The following RXRA variants were observed in gnomAD, a reference collection of about 807,000 sequenced individuals.
RXRA encodes retinoid X receptor alpha.
A neutral mutation model predicts 44.5 loss-of-function variants in RXRA; 5 were observed. The ratio of observed to expected loss-of-function variants is 0.11; its 90% CI spans 0.06 to 0.24. The LOEUF (loss-of-function observed/expected upper bound fraction) is 0.24. Among genes scored for constraint, RXRA ranks in the 10% least tolerant of loss-of-function variants. The pLI, the probability that RXRA is intolerant of heterozygous loss-of-function variation, is 1.00. For missense variants in RXRA, 412 were observed against 646.5 expected (o/e 0.64, Z 3.93); for synonymous variants, 291 against 271.4 (o/e 1.07, Z -0.71).
In RXRA at chr9:134,425,804, C is replaced by T. The variant is rs115444327; in HGVS notation, c.911-3304C>T. On this transcript the variant is annotated intron_variant, in intron 6 of 9. Transcript: ENST00000481739. ...ATCACAAGCCCCATGGGGACAGCAG[C>T]CGTGACTCTGGGGGGGCCCTGCCCT... 1,511 of 985,400 alleles carry T rather than the reference C, an allele frequency of 1.5e-3. 17 individuals are homozygous for T. The African/African-American group carries it at 0.025, about 16-fold the overall frequency. 61.0% of individuals were successfully genotyped at this position (985,400 alleles called of 1,614,324 possible). A position where few individuals can be genotyped will look rare whatever the true frequency, so the allele number is the denominator to read the frequency against.
intron 7 of RXRA, 91 bp from the exon 8 acceptor site, chr9:134,431,814 G>C: frequency 9.9e-7 from 1 of 1,005,490 alleles, no homozygotes; most frequent in Non-Finnish European, 1.5e-6. Context: ...GGGCCACGCC[G>C]GGCTCTCCAG....
rs569871882 is a variant in RXRA at position 134,417,806 on chromosome 9, C to T, written c.780+479C>T. ...TGGCCCTGGGCAGGTGCCCGGCAGT[C>T]GCGGTGGCTGCTGTTGATACAGGAA... On this transcript the variant is annotated intron_variant, in intron 5 of 9. Transcript: ENST00000481739. This position sits in a 1 kb window ranked among gnomAD's most constrained non-coding sequence, Gnocchi z 6.1. 3.8e-4 allele frequency among the ~76,000 whole-genome samples: 58 copies of T among 152,204 alleles called. No homozygotes were observed. The South Asian group carries it at 0.011, about 30-fold the overall frequency.
At chr9:134,354,221 C>T (rs571175506) in intron 1 of RXRA, among the ~76,000 whole-genome samples, 1 of 152,332 alleles carries the variant, frequency 6.6e-6, no homozygotes, top group African/African-American at 2.4e-5. Flanking sequence ...TGGGGCACTT[C>T]TGCGTGCCGA....
At chr9:134,383,836 T>C (rs1830680906) in intron 1 of RXRA, among the ~76,000 whole-genome samples, 1 of 152,062 alleles carries the variant, frequency 6.6e-6, no homozygotes, top group Non-Finnish European at 1.5e-5. Context: ...CCAGGTGTGG[T>C]TCCAGGCCCT....
chr9:134,352,386 A>G (rs1408120288), intron 1 of RXRA, among the ~76,000 whole-genome samples: 1 of 152,016 alleles, frequency 6.6e-6, no homozygotes, highest in African/African-American at 2.4e-5. Flanking sequence ...GGCATGAGGA[A>G]GCCGGAGGGG....
At chr9:134,353,255 C>G (rs752720955) in intron 1 of RXRA, among the ~76,000 whole-genome samples, 2 of 152,048 alleles carry the variant, frequency 1.3e-5, no homozygotes, top group African/African-American at 4.8e-5. Flanking sequence ...TTGTTTTCTT[C>G]GGTGGATTTC....
chr9:134,331,009 T>C (rs1048385311), intron 1 of RXRA, among the ~76,000 whole-genome samples: 44 of 152,108 alleles, frequency 2.9e-4, no homozygotes, highest in African/African-American at 9.9e-4. Flanking sequence ...GAACAGGCCA[T>C]GATGGTCGCT....
At chr9:134,421,404 C>T (rs1046857340) in intron 5 of RXRA, among the ~76,000 whole-genome samples, 2 of 151,870 alleles carry the variant, frequency 1.3e-5, no homozygotes, top group African/African-American at 2.4e-5. Flanking sequence ...TCCTGCCTCC[C>T]TCTCATAGAC....
chr9:134,390,895 C>T (rs1422475988), intron 1 of RXRA, among the ~76,000 whole-genome samples: 1 of 152,166 alleles, frequency 6.6e-6, no homozygotes, highest in African/African-American at 2.4e-5. Flanking sequence ...CTAGGGTGGG[C>T]CTGGGCTTAT....
At chr9:134,412,986 C>T (rs538908570) in intron 4 of RXRA, among the ~76,000 whole-genome samples, 6 of 152,348 alleles carry the variant, frequency 3.9e-5, no homozygotes, top group East Asian at 1.9e-4. Context: ...GGCGTGTGTG[C>T]ACCTATGTGT....
chr9:134,420,865 T>C (rs1831318495), intron 5 of RXRA, among the ~76,000 whole-genome samples: 1 of 152,194 alleles, frequency 6.6e-6, no homozygotes. Context: ...TGAGACTGAA[T>C]GGCCCCCTTC....
At chr9:134,424,006 G>T (rs1427723355) in intron 6 of RXRA, 2 of 985,322 alleles carry the variant, frequency 2.0e-6, no homozygotes, top group East Asian at 1.1e-4. Context: ...TGTGTCCGTC[G>T]CCATGTTTGT....
At chr9:134,425,164 C>T in intron 6 of RXRA, 1 of 985,402 alleles carries the variant, frequency 1.0e-6, no homozygotes, top group Non-Finnish European at 1.2e-6. Flanking sequence ...CACAGCCCTG[C>T]AGGGGCCCAG....
At chr9:134,408,906 G>T in intron 3 of RXRA, 34 bp from the exon 4 acceptor site, 2 of 1,443,684 alleles carry the variant, frequency 1.4e-6, no homozygotes, top group Non-Finnish European at 1.8e-6. Context: ...GGGGCGGTGG[G>T]TGCTCCCCAG....
chr9:134,326,905 G>T (rs1195250444), intron 1 of RXRA, among the ~76,000 whole-genome samples: 2 of 149,608 alleles, frequency 1.3e-5, no homozygotes, highest in Non-Finnish European at 3.0e-5. Flanking sequence ...CGGGTGGCAG[G>T]TTCGCCCGGG....
intron 1 of RXRA, 33 bp downstream of exon 1, chr9:134,326,692 C>T: frequency 1.5e-6 from 1 of 668,000 alleles, no homozygotes; most frequent in Non-Finnish European, 1.8e-6. Flanking sequence ...GGGGACGGGG[C>T]CGGGGGCCGG....
chr9:134,431,226 C>G (rs1831526900), intron 7 of RXRA, among the ~76,000 whole-genome samples: 2 of 152,244 alleles, frequency 1.3e-5, no homozygotes, highest in Non-Finnish European at 2.9e-5. Context: ...CTAGGGGGCC[C>G]AGTACACTGC....
rs2119218402 is a variant in RXRA, at chr9:134,436,853, G to C, written c.*239G>C. ...GCAGCAGCCTTCGTGGCAAGAACTA[G>C]CGTGAGCCCAGCCAGGCGCCTCCCC... On this transcript the variant is annotated 3_prime_UTR_variant, in exon 10 of 10. Transcript: ENST00000481739. 1.9e-6 allele frequency: 1 copy of C among 527,586 alleles called. No individual in the cohort carries two copies. Among genetic ancestry groups the C allele is most frequent in the East Asian group, 3.3e-5 (1 of 30,168 alleles). The allele number at this position is 527,586 out of a possible 1,614,324, so 32.7% of individuals were successfully genotyped here. A position where few individuals can be genotyped will look rare whatever the true frequency, so the allele number is the denominator to read the frequency against.
chr9:134,369,815 G>A (rs962547275), intron 1 of RXRA, among the ~76,000 whole-genome samples: 8 of 152,142 alleles, frequency 5.3e-5, no homozygotes, highest in Admixed American at 1.3e-4. Flanking sequence ...GCTGAGTCCA[G>A]AGGTCCCCTC....
Sources: allele counts gnomAD v4.1 joint callset (sites outside exome capture counted in the v4.1 genomes callset), GRCh38; gene constraint gnomAD v4.1.1; non-coding constraint Gnocchi (gnomAD v3.1); transcripts MANE v1.5; gene names NCBI Gene and HGNC (gene_info 2026-07-23, HGNC 2026-07-21).